The following GSDMC variants were observed in gnomAD, a reference collection of about 807,000 sequenced individuals.
The protein encoded by GSDMC is gasdermin C.
GSDMC carries 59 observed loss-of-function variants against 58.0 expected under a neutral mutation model. That is an observed-to-expected ratio of 1.02 (90% CI 0.82 to 1.26). The LOEUF is 1.26. Among genes scored for constraint, GSDMC ranks in the 50% most tolerant of loss-of-function variants. The pLI is 0.00. For synonymous variants in GSDMC, 241 were observed against 220.2 expected, an observed-to-expected ratio of 1.09 and a Z score of -0.83; for missense variants, 659 against 598.5, an observed-to-expected ratio of 1.10 and a Z score of -1.06.
intron 4 of GSDMC, among the ~76,000 whole-genome samples, chr8:129,764,656 T>C (rs1295020422): frequency 6.6e-6 from 1 of 152,228 alleles, no homozygotes; most frequent in Non-Finnish European, 1.5e-5. Flanking sequence ...TGAGTGTTCC[T>C]TATAAAAATT....
chr8:129,759,291 C>A (rs910840394), intron 6 of GSDMC, among the ~76,000 whole-genome samples: 8 of 152,110 alleles, frequency 5.3e-5, no homozygotes, highest in Non-Finnish European at 7.4e-5. Flanking sequence ...CTCTTCAGGA[C>A]AATGGTCTGG....
At position 129,748,679 on chromosome 8, in the gene GSDMC, G is replaced by C; in HGVS notation, c.1349C>G (p.Pro450Arg). The C allele has an allele frequency of 6.2e-7, 1 of 1,605,040 alleles. No individual in the cohort carries two copies. The highest frequency in any genetic ancestry group is 8.5e-7 in the Non-Finnish European group (1 of 1,175,952). Residue 450 changes from proline to arginine, a missense_variant, in exon 14 of 14, where the codon CCT becomes CGT. Pro to Arg is a moderately radical substitution (Grantham distance 103). Transcript: ENST00000276708. ...YPWSIPFTLK[P>R]ELLAPLQSEG... is the part of the protein sequence containing the mutation. ...ACTCTGGAGTGGGGCGAGGAGCTCAGGTTTGAGGGTGAAGGGAATGCTCCA... is the reference window on the plus strand; with the variant it reads ...ACTCTGGAGTGGGGCGAGGAGCTCACGTTTGAGGGTGAAGGGAATGCTCCA...
intron 3 of GSDMC, among the ~76,000 whole-genome samples, chr8:129,769,448 T>C (rs2033979439): frequency 6.6e-6 from 1 of 152,194 alleles, no homozygotes; most frequent in African/African-American, 2.4e-5. Context: ...AAATTATATA[T>C]AACTGAAGTT....
the GSDMC span, among the ~76,000 whole-genome samples, chr8:129,741,013 T>C: frequency 6.6e-6 from 1 of 151,972 alleles, no homozygotes; most frequent in Non-Finnish European, 1.5e-5. Context: ...TTGAATTGAT[T>C]TTTTTTTATG....
chr8:129,756,899 G>A (rs189925522), intron 6 of GSDMC, among the ~76,000 whole-genome samples: 187 of 152,082 alleles, frequency 1.2e-3, no homozygotes, highest in African/African-American at 4.3e-3. Context: ...GTGGGACAAA[G>A]CAAAGCAGTA....
At chr8:129,753,729 A>T (rs1300043202) in intron 6 of GSDMC, among the ~76,000 whole-genome samples, 2 of 152,184 alleles carry the variant, frequency 1.3e-5, no homozygotes, top group African/African-American at 4.8e-5. Flanking sequence ...GGTCTTCAAC[A>T]GCATTTCTGG....
the GSDMC span, among the ~76,000 whole-genome samples, chr8:129,731,074 C>A: frequency 6.6e-6 from 1 of 152,188 alleles, no homozygotes; most frequent in Non-Finnish European, 1.5e-5. Flanking sequence ...TATCCTAATA[C>A]CCAGCCAGGA....
the GSDMC span, among the ~76,000 whole-genome samples, chr8:129,722,699 T>A: frequency 6.6e-6 from 1 of 152,226 alleles, no homozygotes; most frequent in Non-Finnish European, 1.5e-5. Flanking sequence ...ATTTATTGAA[T>A]AAATGAATGA....
the GSDMC span, among the ~76,000 whole-genome samples, chr8:129,721,237 T>C: frequency 6.6e-6 from 1 of 152,128 alleles, no homozygotes; most frequent in Non-Finnish European, 1.5e-5. Context: ...ATTGACTCAG[T>C]CCCAAATTTT....
rs535373147 is a variant in GSDMC at position 129,760,683 on chromosome 8, G to C, written c.677-94C>G. On this transcript the variant is annotated intron_variant, in intron 5 of 13. Transcript: ENST00000276708. Reference sequence around the variant, plus strand: ...CTCCTTATATCAAAACCACTGGGATGCCTGTTAAATCTGACCACTGGCCTC... The same window carrying C: ...CTCCTTATATCAAAACCACTGGGATCCCTGTTAAATCTGACCACTGGCCTC... 149 of 686,832 alleles carry C rather than the reference G, an allele frequency of 2.2e-4. 3 individuals carry two copies. In the South Asian group the frequency reaches 2.5e-3, roughly 11 times the overall value. The allele number at this position is 686,832 out of a possible 1,614,324, so 42.5% of individuals were successfully genotyped here. A position where few individuals can be genotyped will look rare whatever the true frequency, so the allele number is the denominator to read the frequency against.
intron 4 of GSDMC, among the ~76,000 whole-genome samples, chr8:129,764,240 G>A (rs1056521814): frequency 6.6e-6 from 1 of 152,106 alleles, no homozygotes; most frequent in Non-Finnish European, 1.5e-5. Context: ...ATGTGCATAG[G>A]CAGGGCATGT....
intron 2 of GSDMC, among the ~76,000 whole-genome samples, chr8:129,776,984 G>A (rs2034252237): frequency 6.6e-6 from 1 of 151,258 alleles, no homozygotes; most frequent in South Asian, 2.1e-4. Flanking sequence ...TGGCCAGACT[G>A]GTCTCGAACT....
chr8:129,727,749 T>C, the GSDMC span, among the ~76,000 whole-genome samples: 260 of 152,288 alleles, frequency 1.7e-3, 1 homozygote, highest in Admixed American at 2.9e-3. Flanking sequence ...GGGTAAGAGA[T>C]TGGAGCACCT....
rs188362409 is a variant in GSDMC at position 129,769,153 on chromosome 8, G to A, written c.405-3360C>T. 3.9e-4 allele frequency among the ~76,000 whole-genome samples: 59 copies of A among 151,948 alleles called. No homozygotes were observed. In the South Asian group the frequency reaches 8.1e-3, roughly 21 times the overall value. On this transcript the variant is annotated intron_variant, in intron 3 of 13. Transcript: ENST00000276708. ...AACTCCCAAATTTTGAGAGAGAAGT[G>A]GGCATCAAAATTTGTGACACTAAAA...
chr8:129,750,044 G>A lies in GSDMC; in HGVS notation c.1159C>T (p.His387Tyr). Residue 387 changes from histidine (H) to tyrosine (Y), a missense_variant, in exon 12 of 14, where the codon CAT becomes TAT. Coordinates refer to ENST00000276708, the MANE Select transcript of GSDMC (RefSeq NM_031415.3). ...ILKKLQQDSN[H>Y]AWFNPKDPIL... ...GGGTCCTTTGGGTTAAACCATGCATGGTTTGAATCCTGTTGAAGTTTCTTT... is the reference window on the plus strand; with the variant it reads ...GGGTCCTTTGGGTTAAACCATGCATAGTTTGAATCCTGTTGAAGTTTCTTT... The A allele has an allele frequency of 6.2e-7, 1 of 1,611,240 alleles. No homozygotes were observed.
At chr8:129,775,187 G>T (rs938624360) in intron 3 of GSDMC, among the ~76,000 whole-genome samples, 1 of 152,064 alleles carries the variant, frequency 6.6e-6, no homozygotes, top group Admixed American at 6.5e-5. Context: ...CAGATGAATG[G>T]AAAAAGAAAT....
Position 129,775,545 on chromosome 8 carries a change from A to G in GSDMC, c.404+557T>C, listed in dbSNP as rs546768365. ...AAAAATGATAACTAGGTAAAGTAAT[A>G]GATATGTTAACTGACTTTATTGTGG... On this transcript the variant is annotated intron_variant, in intron 3 of 13. Coordinates refer to ENST00000276708, the MANE Select transcript of GSDMC (RefSeq NM_031415.3). Among the ~76,000 whole-genome samples the G allele has an allele frequency of 3.3e-5, 5 of 152,328 alleles. No individual in the cohort carries two copies. The East Asian group carries it at 9.6e-4, about 29-fold the overall frequency.
the GSDMC span, among the ~76,000 whole-genome samples, chr8:129,736,780 T>C: frequency 6.6e-6 from 1 of 152,312 alleles, no homozygotes; most frequent in Non-Finnish European, 1.5e-5. Context: ...GTGTTGGAAG[T>C]TCTGGCCAGG....
chr8:129,752,513 G>C (rs2033250004), intron 7 of GSDMC, among the ~76,000 whole-genome samples, 185 bp downstream of exon 7: 1 of 152,192 alleles, frequency 6.6e-6, no homozygotes, highest in African/African-American at 2.4e-5. Flanking sequence ...GGAATCCAAA[G>C]GGGGTCAGGG....
Sources: gnomAD v4.1 joint callset for allele counts (sites outside exome capture counted in the v4.1 genomes callset) on GRCh38, gnomAD v4.1.1 for gene constraint, MANE v1.5 for transcripts, NCBI Gene and HGNC (gene_info 2026-07-23, HGNC 2026-07-21) for gene names.